GRIN2B: variants seen among roughly 807,000 people sequenced by gnomAD.
The protein encoded by GRIN2B is glutamate receptor ionotropic, NMDA 2B.
Under a neutral mutation model 114.5 loss-of-function variants are expected in GRIN2B, and 5 were observed. That is an observed-to-expected ratio of 0.04 (90% CI 0.02 to 0.09). GRIN2B has a LOEUF of 0.09. Among genes scored for constraint, GRIN2B ranks in the 10% least tolerant of loss-of-function variants. The pLI is 1.00. For synonymous variants in GRIN2B, 787 were observed against 745.1 expected (o/e 1.06, Z -0.92); for missense variants, 1,108 against 1,943.5 (o/e 0.57, Z 8.08).
intron 3 of GRIN2B, among the ~76,000 whole-genome samples, chr12:13,861,989 T>C (rs1229674897): frequency 6.6e-6 from 1 of 152,214 alleles, no homozygotes; most frequent in African/African-American, 2.4e-5. Flanking sequence ...ATCCCCATTA[T>C]ACAGGCAAGG....
chr12:13,923,336 G>C (rs1237261265), intron 2 of GRIN2B, among the ~76,000 whole-genome samples: 1 of 152,178 alleles, frequency 6.6e-6, no homozygotes, highest in Non-Finnish European at 1.5e-5. Context: ...TGGAAAAAAA[G>C]AAATGTATTC....
rs1313601322 is a variant in GRIN2B, at chr12:13,561,628, C to G, written c.*1155G>C. On this transcript the variant is annotated 3_prime_UTR_variant, in exon 14 of 14. Transcript: ENST00000609686. ...CGTTCTTCCCCAAACCTTGGCCAGT[C>G]GAGAGTCTAAATGCTCAAAAGAGCT... The G allele has an allele frequency of 6.6e-6, 1 of 152,546 alleles. No homozygotes were observed. Among genetic ancestry groups the G allele is most frequent in the African/African-American group, 2.4e-5 (1 of 41,422 alleles). 9.4% of individuals were successfully genotyped at this position (152,546 alleles called of 1,614,324 possible).
intron 10 of GRIN2B, among the ~76,000 whole-genome samples, chr12:13,599,502 G>T (rs895917985): frequency 2.0e-5 from 3 of 152,096 alleles, no homozygotes; most frequent in Non-Finnish European, 4.4e-5. Context: ...GCATTAATTT[G>T]TCTCAAAGGA....
chr12:13,765,932 G>A (rs2136641052), intron 3 of GRIN2B, among the ~76,000 whole-genome samples: 1 of 152,188 alleles, frequency 6.6e-6, no homozygotes, highest in African/African-American at 2.4e-5. Context: ...TGTTTCTTTA[G>A]GAAGCACAGA....
At chr12:13,655,334 T>A (rs1326081901) in intron 5 of GRIN2B, among the ~76,000 whole-genome samples, 2 of 152,154 alleles carry the variant, frequency 1.3e-5, no homozygotes, top group African/African-American at 4.8e-5. Flanking sequence ...CAACCAGTCA[T>A]GATGATACTC....
chr12:13,850,108 G>A (rs185667299), intron 3 of GRIN2B, among the ~76,000 whole-genome samples: 16 of 152,252 alleles, frequency 1.1e-4, no homozygotes, highest in Non-Finnish European at 2.1e-4. Context: ...ACACTGACTG[G>A]TAAAGATTTT....
chr12:13,783,431 G>GGTTTTGTTTTATTTTGTTTT lies in GRIN2B; in HGVS notation c.412-29517_412-29516insAAAACAAAATAAAACAAAAC, dbSNP rs1864157424. Among the ~76,000 whole-genome samples the GGTTTTGTTTTATTTTGTTTT allele has an allele frequency of 2.0e-5, 3 of 149,632 alleles. No individual in the cohort carries two copies. In the Admixed American group the frequency reaches 2.0e-4, roughly 10 times the overall value. On this transcript the variant is annotated intron_variant, in intron 3 of 13. Transcript: ENST00000609686. Reference sequence around the variant, plus strand: ...GACAAGAGAATTGGTAACGGAAATAGGTTTTGTTTTGTTTTGTTTTGTTTT... The same window carrying GGTTTTGTTTTATTTTGTTTT: ...GACAAGAGAATTGGTAACGGAAATAGGTTTTGTTTTATTTTGTTTTGTTTTGTTTTGTTTTGTTTTGTTTT...
chr12:13,849,929 A>C (rs1865530451), intron 3 of GRIN2B, among the ~76,000 whole-genome samples: 1 of 152,140 alleles, frequency 6.6e-6, no homozygotes, highest in Non-Finnish European at 1.5e-5. Context: ...CTGTCCCATC[A>C]TGCTCACACA....
chr12:13,979,239 C>T (rs1396866188), intron 2 of GRIN2B, among the ~76,000 whole-genome samples: 1 of 152,148 alleles, frequency 6.6e-6, no homozygotes, highest in Non-Finnish European at 1.5e-5. Context: ...CAGAATTCCT[C>T]CTTTCCGAGC....
chr12:13,773,681 A>T (rs988223249), intron 3 of GRIN2B, among the ~76,000 whole-genome samples: 2 of 152,200 alleles, frequency 1.3e-5, no homozygotes, highest in African/African-American at 4.8e-5. Context: ...GATACTCCAA[A>T]CCCCTTCAAC....
chr12:13,676,393 T>A (rs1354658045), intron 4 of GRIN2B, among the ~76,000 whole-genome samples: 1 of 152,114 alleles, frequency 6.6e-6, no homozygotes, highest in Middle Eastern at 3.2e-3. Flanking sequence ...AAGTTCAGCC[T>A]AGAGGTATGA....
intron 2 of GRIN2B, among the ~76,000 whole-genome samples, chr12:13,949,096 A>G (rs1867425303): frequency 1.3e-5 from 2 of 152,126 alleles, no homozygotes; most frequent in South Asian, 4.1e-4. Flanking sequence ...TGGTTGCCGG[A>G]CTTTGGAGGG....
At chr12:13,568,085 C>G (rs1948664718) in intron 12 of GRIN2B, among the ~76,000 whole-genome samples, 1 of 151,994 alleles carries the variant, frequency 6.6e-6, no homozygotes, top group African/African-American at 2.4e-5. Context: ...GAGGAGTAAG[C>G]TTGGATAAAA....
intron 3 of GRIN2B, among the ~76,000 whole-genome samples, chr12:13,764,447 C>T (rs139852170): frequency 9.7e-4 from 147 of 152,256 alleles, no homozygotes; most frequent in African/African-American, 3.4e-3. Flanking sequence ...ATGCTCTAAC[C>T]GGCTAACACC....
chr12:13,611,609 GT>G (rs1949366338), intron 9 of GRIN2B, 115 bp downstream of exon 9: 1 of 1,016,948 alleles, frequency 9.8e-7, no homozygotes, highest in Non-Finnish European at 1.6e-6. Context: ...TCACCTGAGG[GT>G]TCCTTTTCAG....
intron 3 of GRIN2B, among the ~76,000 whole-genome samples, chr12:13,799,723 A>AAGG (rs1158263299): frequency 6.6e-6 from 1 of 151,786 alleles, no homozygotes; most frequent in Non-Finnish European, 1.5e-5. Context: ...AGGAGCAGGG[A>AAGG]AGGAGGACTG....
chr12:13,924,727 A>T (rs1866886144), intron 2 of GRIN2B, among the ~76,000 whole-genome samples: 3 of 152,176 alleles, frequency 2.0e-5, no homozygotes, highest in Admixed American at 2.0e-4. Context: ...CTTCACTGAT[A>T]TCTATATCTA....
chr12:13,743,415 A>G (rs1863318831), intron 4 of GRIN2B, among the ~76,000 whole-genome samples: 2 of 152,198 alleles, frequency 1.3e-5, no homozygotes, highest in Admixed American at 6.5e-5. Context: ...CAGCCTGTGG[A>G]GTCCACTATT....
At chr12:13,652,463 T>C (rs1949823685) in intron 5 of GRIN2B, among the ~76,000 whole-genome samples, 2 of 150,876 alleles carry the variant, frequency 1.3e-5, no homozygotes. Flanking sequence ...CTGTGAAGAG[T>C]TAGCCAAGTG....
Sources: allele counts gnomAD v4.1 joint callset (sites outside exome capture counted in the v4.1 genomes callset), GRCh38; gene constraint gnomAD v4.1.1; transcripts MANE v1.5; gene names NCBI Gene and HGNC (gene_info 2026-07-23, HGNC 2026-07-21).